Variants in DYNC2LI1 observed in about 807,000 individuals in gnomAD.
The protein encoded by DYNC2LI1 is dynein cytoplasmic 2 light intermediate chain 1.
DYNC2LI1 carries 45 observed loss-of-function variants against 51.9 expected under a neutral mutation model. That is an observed-to-expected ratio of 0.87 (90% CI 0.68 to 1.11). DYNC2LI1 has a LOEUF of 1.11. Ranked by LOEUF, DYNC2LI1 falls within the 50% of genes most tolerant of loss-of-function variation. The pLI is 0.00. For synonymous variants in DYNC2LI1, 130 were observed against 137.8 expected (o/e 0.94, Z 0.40); for missense variants, 490 against 417.4 (o/e 1.17, Z -1.51).
chr2:43,813,044 C>T (rs77265083), downstream of DYNC2LI1: 1,956 of 759,506 alleles, frequency 2.6e-3, 31 homozygotes, highest in African/African-American at 0.029. Context: ...ACATGGCACT[C>T]TCATTTCAGA....
chr2:43,789,985 A>G (rs3792022), intron 5 of DYNC2LI1, among the ~76,000 whole-genome samples: 18,823 of 152,254 alleles, frequency 0.12, 1,527 homozygotes, highest in Admixed American at 0.22. Flanking sequence ...ACAAAAATAC[A>G]TCAAATTACA....
intron 12 of DYNC2LI1, among the ~76,000 whole-genome samples, chr2:43,809,325 C>T (rs1666396499): frequency 6.6e-6 from 1 of 152,148 alleles, no homozygotes; most frequent in Non-Finnish European, 1.5e-5. Flanking sequence ...TTGCTAACTT[C>T]AACCAAGTTT....
At chr2:43,822,657 G>A in the DYNC2LI1 span, 43 of 1,544,626 alleles carry the variant, frequency 2.8e-5, no homozygotes, top group Admixed American at 5.8e-5. Flanking sequence ...TGGAAGATAC[G>A]ACATTGCACT....
At chr2:43,791,474 G>T (rs1409988700) in intron 5 of DYNC2LI1, among the ~76,000 whole-genome samples, 2 of 152,170 alleles carry the variant, frequency 1.3e-5, no homozygotes, top group Non-Finnish European at 2.9e-5. Flanking sequence ...GAGGTCTTGG[G>T]CTTCCTTTCC....
the DYNC2LI1 span, chr2:43,820,041 G>A: frequency 6.2e-6 from 10 of 1,614,042 alleles, no homozygotes; most frequent in Admixed American, 3.3e-5. Context: ...TAAGTGGGGG[G>A]CCAAGAGAGC....
chr2:43,812,494 G>A (rs4148195), downstream of DYNC2LI1: 36,613 of 152,472 alleles, frequency 0.24, 5,325 homozygotes, highest in African/African-American at 0.4. Context: ...CCATTCCTAC[G>A]GTTTTTTATT....
intron 3 of DYNC2LI1, 32 bp from the exon 4 acceptor site, chr2:43,787,149 C>T: frequency 6.4e-7 from 1 of 1,563,954 alleles, no homozygotes; most frequent in Non-Finnish European, 8.8e-7. Flanking sequence ...ATACCACCTA[C>T]AATGATAATA....
intron 1 of DYNC2LI1, among the ~76,000 whole-genome samples, chr2:43,776,165 C>T (rs977185371): frequency 1.3e-5 from 2 of 151,924 alleles, no homozygotes; most frequent in Admixed American, 1.3e-4. Flanking sequence ...AGGTATTTCT[C>T]CTAATGCTAT....
At chr2:43,799,168 G>C (rs149308566) in intron 8 of DYNC2LI1, among the ~76,000 whole-genome samples, 1 of 152,186 alleles carries the variant, frequency 6.6e-6, no homozygotes, top group East Asian at 1.9e-4. Flanking sequence ...AGTCATCATA[G>C]TGCATGCCTG....
At chr2:43,782,011 A>ATGTGTGTGTGTGTGTGTGTGTG (rs72178749) in intron 2 of DYNC2LI1, among the ~76,000 whole-genome samples, 440 of 148,730 alleles carry the variant, frequency 3.0e-3, no homozygotes, top group African/African-American at 9.7e-3. Flanking sequence ...GTTTCTGTCT[A>ATGTGTGTGTGTGTGTGTGTGTG]TGTGTGTGTG....
Position 43,790,939 on chromosome 2 carries a change from G to A in DYNC2LI1, c.320+1218G>A, listed in dbSNP as rs76098753. Among the ~76,000 whole-genome samples the A allele has an allele frequency of 5.1e-4, 77 of 152,300 alleles. 1 individual carries two copies. In the East Asian group the frequency reaches 8.3e-3, roughly 16 times the overall value. On this transcript the variant is annotated intron_variant, in intron 5 of 12. Transcript: ENST00000260605. ...TTGAGAAGAGATGGTGAGGGGCCAGGTGCGGTGGCTCAGGCCTGTAATCTC... is the reference window on the plus strand; with the variant it reads ...TTGAGAAGAGATGGTGAGGGGCCAGATGCGGTGGCTCAGGCCTGTAATCTC...
rs777737519 is a variant in DYNC2LI1, at chr2:43,774,098, A to G, written c.-41A>G. On this transcript the variant is annotated 5_prime_UTR_variant, in exon 1 of 13. Transcript: ENST00000260605. ...GCCGCCTGATTCTAGGCTGGTCACT[A>G]CTCCGAGCCTGTGACGTTTGCGGCA... 4 of 1,612,464 alleles carry G rather than the reference A, an allele frequency of 2.5e-6. No homozygotes were observed. The highest frequency in any genetic ancestry group is 1.3e-5 in the African/African-American group (1 of 74,774).
At chr2:43,791,394 C>T (rs1459671420) in intron 5 of DYNC2LI1, among the ~76,000 whole-genome samples, 2 of 152,058 alleles carry the variant, frequency 1.3e-5, no homozygotes, top group East Asian at 3.9e-4. Context: ...AGGTTTTGGC[C>T]TGCTGGGGTT....
chr2:43,815,878 G>C, the DYNC2LI1 span, among the ~76,000 whole-genome samples: 3 of 145,030 alleles, frequency 2.1e-5, no homozygotes, highest in Admixed American at 7.1e-5. Context: ...AAGAAGGATG[G>C]CTAGAATGAG....
In DYNC2LI1 at chr2:43,776,239, C is replaced by T. The variant is rs149646049; in HGVS notation, c.9-543C>T. On this transcript the variant is annotated intron_variant, in intron 1 of 12. Transcript: ENST00000260605. ...GTAGCAGTAGTAGAGATGGGATCTT[C>T]CTGTATTGCCTAGGCTGATCTCAAG... 3.9e-5 allele frequency among the ~76,000 whole-genome samples: 6 copies of T among 151,910 alleles called. No homozygotes were observed. In the East Asian group the frequency reaches 1.2e-3, roughly 30 times the overall value.
chr2:43,826,607 T>C, the DYNC2LI1 span: 2 of 1,592,280 alleles, frequency 1.3e-6, no homozygotes, highest in Non-Finnish European at 8.6e-7. Flanking sequence ...CTGTTCCTTA[T>C]TGAGTTTGTA....
chr2:43,812,701 T>C (rs1666545956), downstream of DYNC2LI1: 1 of 202,642 alleles, frequency 4.9e-6, no homozygotes, highest in African/African-American at 2.4e-5. Flanking sequence ...CACAACTCTC[T>C]TTCTCTGTCA....
the DYNC2LI1 span, chr2:43,822,719 G>C: frequency 6.7e-7 from 1 of 1,492,712 alleles, no homozygotes; most frequent in Non-Finnish European, 9.0e-7. Context: ...CTTCACCCTG[G>C]AGCTCTCCCT....
At chr2:43,819,892 T>G in the DYNC2LI1 span, 5 of 1,613,232 alleles carry the variant, frequency 3.1e-6, no homozygotes, top group Admixed American at 6.7e-5. Context: ...CCAATCTAAA[T>G]TTTTTGAATT....
Sources: gnomAD v4.1 joint callset for allele counts (sites outside exome capture counted in the v4.1 genomes callset) on GRCh38, gnomAD v4.1.1 for gene constraint, MANE v1.5 for transcripts, NCBI Gene and HGNC (gene_info 2026-07-23, HGNC 2026-07-21) for gene names.